CACNB2: variants seen among roughly 807,000 people sequenced by gnomAD.
The protein encoded by CACNB2 is calcium voltage-gated channel auxiliary subunit beta 2.
A neutral mutation model predicts 73.3 loss-of-function variants in CACNB2; 42 were observed. The observed-to-expected ratio is 0.57, with a 90% CI of 0.45 to 0.74. The LOEUF (loss-of-function observed/expected upper bound fraction) is 0.74, where lower values mean the gene tolerates loss of function less well. CACNB2 is among the 30% of genes least tolerant of loss of function. The pLI is 0.00. For synonymous variants in CACNB2, 348 were observed against 310.3 expected, an observed-to-expected ratio of 1.12 and a Z score of -1.28; for missense variants, 940 against 853.0, an observed-to-expected ratio of 1.10 and a Z score of -1.27.
chr10:18,213,961 A>G (rs908676177), intron 2 of CACNB2, among the ~76,000 whole-genome samples: 14 of 152,128 alleles, frequency 9.2e-5, no homozygotes, highest in African/African-American at 3.4e-4. Context: ...CTAATTCCTG[A>G]TTGATTTGTA....
At chr10:18,212,076 T>C (rs907724332) in intron 2 of CACNB2, among the ~76,000 whole-genome samples, 1 of 152,202 alleles carries the variant, frequency 6.6e-6, no homozygotes, top group Non-Finnish European at 1.5e-5. Context: ...GCTGAATAGA[T>C]TGATATCTCA....
At chr10:18,538,542 G>C (rs575509769) in intron 13 of CACNB2, among the ~76,000 whole-genome samples, 177 bp downstream of exon 13, 1 of 152,232 alleles carries the variant, frequency 6.6e-6, no homozygotes, top group South Asian at 2.1e-4. Context: ...ACCATCAACA[G>C]AATATATTGG....
intron 2 of CACNB2, among the ~76,000 whole-genome samples, chr10:18,187,027 G>A (rs2034185430): frequency 6.6e-6 from 1 of 152,144 alleles, no homozygotes; most frequent in Non-Finnish European, 1.5e-5. Context: ...ACGAACCATG[G>A]AAAGTGCTAA....
intron 3 of CACNB2, among the ~76,000 whole-genome samples, chr10:18,442,605 T>C (rs1262700358): frequency 6.6e-6 from 1 of 151,356 alleles, no homozygotes; most frequent in Non-Finnish European, 1.5e-5. Context: ...GGAGGGCAGA[T>C]CACGAGGTCA....
intron 2 of CACNB2, among the ~76,000 whole-genome samples, chr10:18,197,989 A>T (rs1012778813): frequency 6.8e-6 from 1 of 148,104 alleles, no homozygotes; most frequent in Admixed American, 6.8e-5. Flanking sequence ...TTAACATTAT[A>T]TATTTTGTAT....
intron 6 of CACNB2, 93 bp from the exon 7 acceptor site, chr10:18,514,143 T>A: frequency 7.3e-7 from 1 of 1,370,070 alleles, no homozygotes. Context: ...TAGTTTTTTT[T>A]ACTATGGTTA....
At chr10:18,177,465 C>CAAAAAA (rs35967003) in intron 2 of CACNB2, among the ~76,000 whole-genome samples, 2 of 130,372 alleles carry the variant, frequency 1.5e-5, no homozygotes, top group Non-Finnish European at 1.6e-5. Context: ...ATTAAAAATG[C>CAAAAAA]AAAAAAAAAA....
At chr10:18,439,353 T>C (rs1052684685) in intron 3 of CACNB2, among the ~76,000 whole-genome samples, 1 of 152,204 alleles carries the variant, frequency 6.6e-6, no homozygotes, top group African/African-American at 2.4e-5. Flanking sequence ...AACTTTTCTG[T>C]TCCTGGTACA....
intron 6 of CACNB2, among the ~76,000 whole-genome samples, chr10:18,511,394 T>C (rs1165742185): frequency 1.3e-5 from 2 of 152,210 alleles, no homozygotes; most frequent in Non-Finnish European, 2.9e-5. Context: ...GGCTGCTTCA[T>C]TTAATATTCA....
At chr10:18,443,618 C>A (rs2046584395) in intron 3 of CACNB2, among the ~76,000 whole-genome samples, 1 of 152,052 alleles carries the variant, frequency 6.6e-6, no homozygotes. Context: ...CCTTTATTGT[C>A]CCTTTCCTCC....
At chr10:18,267,920 G>T (rs939399353) in intron 2 of CACNB2, among the ~76,000 whole-genome samples, 17 of 152,178 alleles carry the variant, frequency 1.1e-4, no homozygotes, top group East Asian at 9.6e-4. Context: ...TCATCACTCT[G>T]TGCCTCAACT....
intron 2 of CACNB2, among the ~76,000 whole-genome samples, chr10:18,155,582 T>G (rs1341136882): frequency 6.6e-6 from 1 of 152,216 alleles, no homozygotes; most frequent in African/African-American, 2.4e-5. Context: ...TAGAGTGGAA[T>G]GCTAGGTAAT....
At chr10:18,374,272 G>A (rs943009141) in intron 2 of CACNB2, among the ~76,000 whole-genome samples, 6 of 152,210 alleles carry the variant, frequency 3.9e-5, no homozygotes, top group African/African-American at 1.2e-4. Context: ...TGGATGAAGA[G>A]ATGCCAAGTA....
At chr10:18,250,601 C>T (rs191070280) in intron 2 of CACNB2, among the ~76,000 whole-genome samples, 102 of 151,594 alleles carry the variant, frequency 6.7e-4, no homozygotes, top group Middle Eastern at 3.4e-3. Flanking sequence ...TGACTATGGA[C>T]GAATGTCTTT....
intron 2 of CACNB2, among the ~76,000 whole-genome samples, chr10:18,187,049 A>G (rs1200884185): frequency 6.6e-6 from 1 of 152,116 alleles, no homozygotes; most frequent in Non-Finnish European, 1.5e-5. Context: ...AAGGGAGGGT[A>G]TAGGGAGCTA....
At chr10:18,160,919 AAGT>A in intron 2 of CACNB2, among the ~76,000 whole-genome samples, 1 of 152,284 alleles carries the variant, frequency 6.6e-6, no homozygotes, top group African/African-American at 2.4e-5. Flanking sequence ...TTAGTTCATT[AAGT>A]AAGTTTTCCA....
intron 2 of CACNB2, among the ~76,000 whole-genome samples, chr10:18,191,269 A>G (rs2034381178): frequency 6.6e-6 from 1 of 152,200 alleles, no homozygotes. Flanking sequence ...GAAAATACTG[A>G]GATTCAGAGA....
intron 2 of CACNB2, among the ~76,000 whole-genome samples, chr10:18,348,351 T>A (rs937279771): frequency 6.6e-6 from 1 of 152,208 alleles, no homozygotes; most frequent in Non-Finnish European, 1.5e-5. Flanking sequence ...CAAATGTCTC[T>A]TTAAAATGAT....
At chr10:18,242,706 C>T (rs549406469) in intron 2 of CACNB2, among the ~76,000 whole-genome samples, 35 of 151,740 alleles carry the variant, frequency 2.3e-4, no homozygotes, top group Non-Finnish European at 3.5e-4. Context: ...AAAAGTTGGC[C>T]GGGCGCAGTG....
Sources: allele counts gnomAD v4.1 joint callset (sites outside exome capture counted in the v4.1 genomes callset), GRCh38; gene constraint gnomAD v4.1.1; transcripts MANE v1.5; gene names NCBI Gene and HGNC (gene_info 2026-07-23, HGNC 2026-07-21).